ABCC4: variants seen among roughly 807,000 people sequenced by gnomAD.
ABCC4 encodes the protein ATP binding cassette subfamily C member 4 (PEL blood group).
ABCC4 carries 102 observed loss-of-function variants against 168.5 expected under a neutral mutation model. The observed-to-expected ratio is 0.61, with a 90% CI of 0.52 to 0.71. ABCC4 has a LOEUF of 0.71. Ranked by LOEUF, ABCC4 falls within the 30% of genes least tolerant of loss-of-function variation. The pLI, the probability that ABCC4 is intolerant of heterozygous loss-of-function variation, is 0.00. For missense variants in ABCC4, 1,402 were observed against 1,605.8 expected (o/e 0.87, Z 2.17); for synonymous variants, 617 against 590.7 (o/e 1.04, Z -0.65).
chr13:95,078,068 C>T (rs2139321914), intron 21 of ABCC4, among the ~76,000 whole-genome samples: 1 of 152,268 alleles, frequency 6.6e-6, no homozygotes, highest in South Asian at 2.1e-4. Context: ...TGACTGGGGG[C>T]ACTAACTTTT....
At chr13:95,103,795 A>G (rs1017863688) in intron 20 of ABCC4, among the ~76,000 whole-genome samples, 1 of 152,142 alleles carries the variant, frequency 6.6e-6, no homozygotes, top group Non-Finnish European at 1.5e-5. Flanking sequence ...CCTGTGCTTA[A>G]GAAACAAGCC....
chr13:95,170,413 A>T, intron 14 of ABCC4, 119 bp downstream of exon 14: 2 of 587,184 alleles, frequency 3.4e-6, no homozygotes, highest in Non-Finnish European at 5.9e-6. Flanking sequence ...CTTTTGAGTT[A>T]ATACTTAAAA....
At chr13:95,096,317 T>C in intron 20 of ABCC4, 1 of 427,932 alleles carries the variant, frequency 2.3e-6, no homozygotes, top group Non-Finnish European at 4.1e-6. Flanking sequence ...AAGACTGGAA[T>C]GCAACACCCT....
chr13:95,074,882 A>C (rs1188540683), intron 22 of ABCC4, among the ~76,000 whole-genome samples: 1 of 152,214 alleles, frequency 6.6e-6, no homozygotes, highest in Non-Finnish European at 1.5e-5. Context: ...AGCAAGATAA[A>C]ATAAAGATTG....
chr13:95,118,822 G>A (rs2035465081), intron 19 of ABCC4, among the ~76,000 whole-genome samples: 17 of 152,146 alleles, frequency 1.1e-4, no homozygotes. Context: ...ACCGAATCTT[G>A]CCTTCCGGGA....
chr13:95,064,265 T>TAC (rs2033427124), intron 25 of ABCC4, among the ~76,000 whole-genome samples: 5 of 1,560 alleles, frequency 3.2e-3, no homozygotes, highest in Non-Finnish European at 5.8e-3. Context: ...TGTGTGTATA[T>TAC]ATATATATAT....
chr13:95,159,506 T>A (rs2037016283), intron 19 of ABCC4, among the ~76,000 whole-genome samples: 1 of 152,016 alleles, frequency 6.6e-6, no homozygotes, highest in Non-Finnish European at 1.5e-5. Flanking sequence ...AATAAATAAA[T>A]CAGCATGAGG....
chr13:95,166,406 C>T (rs2037273499), intron 14 of ABCC4, 39 bp from the exon 15 acceptor site: 1 of 1,529,020 alleles, frequency 6.5e-7, no homozygotes, highest in East Asian at 2.3e-5. Context: ...GATACATGTG[C>T]AGGTGATAAT....
intron 3 of ABCC4, among the ~76,000 whole-genome samples, chr13:95,242,187 A>G (rs1439457692): frequency 6.6e-6 from 1 of 152,088 alleles, no homozygotes; most frequent in African/African-American, 2.4e-5. Flanking sequence ...AATGAAAAGC[A>G]TCTTCATTAA....
chr13:95,159,939 T>G (rs992052485), intron 19 of ABCC4, among the ~76,000 whole-genome samples: 1 of 152,196 alleles, frequency 6.6e-6, no homozygotes, highest in Non-Finnish European at 1.5e-5. Context: ...TCACTAACAT[T>G]CGTTAGGCAC....
intron 19 of ABCC4, among the ~76,000 whole-genome samples, chr13:95,140,837 G>C (rs1023411217): frequency 6.6e-6 from 1 of 152,160 alleles, no homozygotes; most frequent in Non-Finnish European, 1.5e-5. Flanking sequence ...GGTTATGTCT[G>C]CTATTGTAAC....
rs80048167 is a variant in ABCC4 at position 95,197,626 on chromosome 13, C to G, written c.1162-2689G>C. ...TGCCAATACAGCAATGAGGTGCATC[C>G]CCAGAAAGTTCACTTGGGGAAGTAT... On this transcript the variant is annotated intron_variant, in intron 8 of 30. Coordinates refer to ENST00000645237, the MANE Select transcript of ABCC4 (RefSeq NM_005845.5). Among the ~76,000 whole-genome samples, 97 of 152,256 alleles carry G rather than the reference C, an allele frequency of 6.4e-4. 1 individual carries two copies. In the East Asian group the frequency reaches 0.017, roughly 26 times the overall value.
intron 1 of ABCC4, among the ~76,000 whole-genome samples, chr13:95,253,551 C>A (rs1262405196): frequency 6.6e-6 from 1 of 151,952 alleles, no homozygotes; most frequent in African/African-American, 2.4e-5. Flanking sequence ...TCGAGACCAG[C>A]CTGGCCAGCA....
At chr13:95,234,110 C>T (rs749066585) in intron 4 of ABCC4, among the ~76,000 whole-genome samples, 1 of 152,140 alleles carries the variant, frequency 6.6e-6, no homozygotes, top group Non-Finnish European at 1.5e-5. Flanking sequence ...CAAATATATT[C>T]TTTTCTCCTA....
intron 16 of ABCC4, among the ~76,000 whole-genome samples, chr13:95,164,047 AAAAAAAAAAAG>A (rs1358709367): frequency 1.4e-5 from 2 of 147,332 alleles, no homozygotes; most frequent in Non-Finnish European, 3.0e-5. Flanking sequence ...TCTCAAAAAA[AAAAAAAAAAAG>A]AAAGAAAGAA....
At chr13:95,210,096 G>A (rs1391017224) in intron 5 of ABCC4, among the ~76,000 whole-genome samples, 1 of 152,164 alleles carries the variant, frequency 6.6e-6, no homozygotes, top group Non-Finnish European at 1.5e-5. Context: ...ATGAATAATT[G>A]GAAAAAAGAA....
At chr13:95,284,763 G>A (rs958122138) in intron 1 of ABCC4, among the ~76,000 whole-genome samples, 16 of 152,186 alleles carry the variant, frequency 1.1e-4, no homozygotes, top group South Asian at 6.2e-4. Context: ...GCTGAGAGCA[G>A]GGACTCTGTG....
chr13:95,212,041 G>A (rs760653067), intron 4 of ABCC4, among the ~76,000 whole-genome samples: 5 of 151,886 alleles, frequency 3.3e-5, no homozygotes, highest in Non-Finnish European at 7.4e-5. Context: ...GCTTGGTGTG[G>A]TGGTGTGCAC....
chr13:95,033,289 A>G lies in ABCC4; in HGVS notation c.3870+1316T>C, dbSNP rs933997120. The stretch of plus-strand genomic sequence containing the variant: ...ACCTGAAAAATACAGAAAACAATGA[A>G]GGAAAATTATACCCATATTATACTG... On this transcript the variant is annotated intron_variant, in intron 30 of 30. Transcript: ENST00000645237. Among the ~76,000 whole-genome samples the G allele has an allele frequency of 3.3e-5, 5 of 152,212 alleles. No individual in the cohort carries two copies. The South Asian group carries it at 6.2e-4, about 19-fold the overall frequency.
Sources: allele counts gnomAD v4.1 joint callset (sites outside exome capture counted in the v4.1 genomes callset), GRCh38; gene constraint gnomAD v4.1.1; transcripts MANE v1.5; gene names NCBI Gene and HGNC (gene_info 2026-07-23, HGNC 2026-07-21).